PCBP2: variants seen among roughly 807,000 people sequenced by gnomAD.
PCBP2 encodes poly(rC) binding protein 2.
Under a neutral mutation model 50.1 loss-of-function variants are expected in PCBP2, and 4 were observed. That is an observed-to-expected ratio of 0.08 (90% CI 0.04 to 0.18). The LOEUF (loss-of-function observed/expected upper bound fraction) is 0.18, where lower values mean the gene tolerates loss of function less well. PCBP2 is among the 10% of genes least tolerant of loss of function. The pLI is 1.00. For missense variants in PCBP2, 161 were observed against 474.3 expected (o/e 0.34, Z 6.14); for synonymous variants, 179 against 168.0 (o/e 1.07, Z -0.51).
intron 7 of PCBP2, among the ~76,000 whole-genome samples, chr12:53,462,075 A>G (rs1022979946): frequency 6.6e-6 from 1 of 152,206 alleles, no homozygotes; most frequent in Non-Finnish European, 1.5e-5. Flanking sequence ...ATTTATAGAT[A>G]GTGTCTGTAT....
At chr12:53,462,166 A>G (rs1332265772) in intron 7 of PCBP2, among the ~76,000 whole-genome samples, 2 of 152,262 alleles carry the variant, frequency 1.3e-5, no homozygotes, top group Admixed American at 6.5e-5. Flanking sequence ...GTGAGATACT[A>G]AAAATTATCA....
intron 13 of PCBP2, among the ~76,000 whole-genome samples, chr12:53,471,203 C>A (rs986325408): frequency 6.6e-6 from 1 of 151,538 alleles, no homozygotes; most frequent in Non-Finnish European, 1.5e-5. Flanking sequence ...CACAGAGATA[C>A]AGAGGCTGAG....
intron 9 of PCBP2, 117 bp downstream of exon 9, chr12:53,464,969 C>T (rs1347326409): frequency 7.6e-7 from 1 of 1,320,942 alleles, no homozygotes; most frequent in African/African-American, 1.5e-5. Flanking sequence ...CACCACCTGT[C>T]CACGGGGACC....
At chr12:53,457,211 T>TA (rs1941095654) in intron 5 of PCBP2, among the ~76,000 whole-genome samples, 1 of 152,136 alleles carries the variant, frequency 6.6e-6, no homozygotes, top group Non-Finnish European at 1.5e-5. Flanking sequence ...CCTGCCTGGA[T>TA]AATTTTTTAA....
intron 1 of PCBP2, chr12:53,453,210 T>G (rs1161492803): frequency 1.3e-5 from 2 of 151,338 alleles, no homozygotes; most frequent in East Asian, 1.9e-4. Context: ...CTGTTTTGTT[T>G]TTTTTTTTTT....
intron 6 of PCBP2, among the ~76,000 whole-genome samples, 188 bp downstream of exon 6, chr12:53,459,591 TAATA>T (rs1239204263): frequency 3.3e-5 from 5 of 152,296 alleles, no homozygotes; most frequent in Non-Finnish European, 4.4e-5. Flanking sequence ...TCATAAATTT[TAATA>T]AATCAGAACA....
intron 5 of PCBP2, among the ~76,000 whole-genome samples, chr12:53,456,588 C>A (rs963594973): frequency 6.6e-6 from 1 of 152,136 alleles, no homozygotes; most frequent in African/African-American, 2.4e-5. Flanking sequence ...GAGTATATAC[C>A]AAACTAATAT....
intron 13 of PCBP2, 29 bp from the exon 14 acceptor site, chr12:53,471,609 G>C: frequency 1.3e-6 from 2 of 1,591,748 alleles, no homozygotes; most frequent in Non-Finnish European, 1.7e-6. Context: ...CTCTAATTCG[G>C]TGTGCCTTGT....
intron 14 of PCBP2, among the ~76,000 whole-genome samples, chr12:53,477,737 G>GTAAATTTCT (rs1477864897): frequency 2.1e-5 from 3 of 141,264 alleles, no homozygotes; most frequent in Non-Finnish European, 4.6e-5. Context: ...AACCATTTCT[G>GTAAATTTCT]ACTAAAAGTA....
chr12:53,474,836 CT>C (rs112797604), intron 14 of PCBP2: 74 of 363,552 alleles, frequency 2.0e-4, no homozygotes, highest in Admixed American at 3.7e-4. Context: ...TCCACCCACC[CT>C]TTTTTTTTGT....
intron 14 of PCBP2, chr12:53,475,408 C>CAA: frequency 3.0e-6 from 1 of 334,182 alleles, no homozygotes. Context: ...GTGCCTGTTT[C>CAA]AGGGTCTGAC....
chr12:53,467,988 C>T (rs1592667251), intron 12 of PCBP2, 145 bp downstream of exon 12: 2 of 674,600 alleles, frequency 3.0e-6, no homozygotes, highest in Non-Finnish European at 5.2e-6. Context: ...GGGCCTGGAG[C>T]CCCCGAGGGT....
chr12:53,479,051 G>A (rs1942867671), intron 14 of PCBP2, among the ~76,000 whole-genome samples: 1 of 152,060 alleles, frequency 6.6e-6, no homozygotes, highest in South Asian at 2.1e-4. Flanking sequence ...GCCAAAGTGA[G>A]CTCAGCAATA....
At chr12:53,462,157 T>G (rs1284194330) in intron 7 of PCBP2, among the ~76,000 whole-genome samples, 4 of 152,218 alleles carry the variant, frequency 2.6e-5, no homozygotes, top group African/African-American at 7.2e-5. Context: ...CAAAAAAATG[T>G]GAGATACTAA....
At chr12:53,453,839 G>A (rs1351897843) in intron 1 of PCBP2, among the ~76,000 whole-genome samples, 2 of 152,192 alleles carry the variant, frequency 1.3e-5, no homozygotes. Flanking sequence ...AACAATGTTA[G>A]GAATTGTTTC....
intron 13 of PCBP2, among the ~76,000 whole-genome samples, chr12:53,469,381 A>G (rs1942045152): frequency 6.6e-6 from 1 of 152,102 alleles, no homozygotes; most frequent in Non-Finnish European, 1.5e-5. Flanking sequence ...AAAATAGACT[A>G]TTATTGTGTG....
At position 53,456,531 on chromosome 12, in the gene PCBP2, G is replaced by A. The variant is rs188895245; in HGVS notation, c.243+530G>A. Reference sequence around the variant, plus strand: ...CATGGACTTAATATAAATAATTTGCGTGAAAAGCATCTGTTGAAAGTATGC... The same window carrying A: ...CATGGACTTAATATAAATAATTTGCATGAAAAGCATCTGTTGAAAGTATGC... On this transcript the variant is annotated intron_variant, in intron 5 of 14. Transcript: ENST00000546463. Among the ~76,000 whole-genome samples, 77 of 152,074 alleles carry A rather than the reference G, an allele frequency of 5.1e-4. 1 individual carries two copies. The highest frequency in any genetic ancestry group is 1.7e-3 in the African/African-American group (69 of 41,466).
At chr12:53,456,023 C>T (rs1940982162) in intron 5 of PCBP2, 22 bp downstream of exon 5, 1 of 1,371,690 alleles carries the variant, frequency 7.3e-7, no homozygotes, top group Non-Finnish European at 1.0e-6. Context: ...CCCACTCCCT[C>T]ATTCTTCATT....
rs1308020324 is a variant in PCBP2, at chr12:53,470,320, T to A, written c.883-1318T>A. 4.5e-5 allele frequency among the ~76,000 whole-genome samples: 6 copies of A among 134,218 alleles called. 1 individual carries two copies. Among genetic ancestry groups the A allele is most frequent in the African/African-American group, 1.7e-4 (6 of 35,316 alleles). 88.1% of individuals were successfully genotyped at this position (134,218 alleles called of 152,430 possible). ...TGAACCTGGGAGGCGGAGGTTGCAG[T>A]GAGCCAAGATCGTGCCACTGCACTC... is the stretch of plus-strand genomic sequence containing the variant. On this transcript the variant is annotated intron_variant, in intron 13 of 14. Transcript: ENST00000546463.
Sources: allele counts gnomAD v4.1 joint callset (sites outside exome capture counted in the v4.1 genomes callset), GRCh38; gene constraint gnomAD v4.1.1; transcripts MANE v1.5; gene names NCBI Gene and HGNC (gene_info 2026-07-23, HGNC 2026-07-21).